Variants in ZBTB46 observed in about 807,000 individuals in gnomAD.
ZBTB46 encodes zinc finger and BTB domain containing 46, also known as zinc finger and BTB domain-containing protein 46.
ZBTB46 carries 8 observed loss-of-function variants against 44.1 expected under a neutral mutation model. That is an observed-to-expected ratio of 0.18 (90% CI 0.11 to 0.33). ZBTB46 has a LOEUF of 0.33. ZBTB46 is among the 10% of genes least tolerant of loss of function. The pLI is 1.00. For synonymous variants in ZBTB46, 409 were observed against 382.3 expected, an observed-to-expected ratio of 1.07 and a Z score of -0.81; for missense variants, 651 against 847.7, an observed-to-expected ratio of 0.77 and a Z score of 2.88.
chr20:63,831,408 C>T (rs1458608802), upstream of ZBTB46, among the ~76,000 whole-genome samples: 20 of 143,066 alleles, frequency 1.4e-4, no homozygotes, highest in Non-Finnish European at 2.8e-4. Context: ...CCGCCCCGGG[C>T]CCCGCCCACG....
At chr20:63,796,345 G>A (rs748125539) in intron 1 of ZBTB46, among the ~76,000 whole-genome samples, 2 of 152,196 alleles carry the variant, frequency 1.3e-5, no homozygotes, top group Non-Finnish European at 2.9e-5. Flanking sequence ...GGCACGCGGC[G>A]TCCCGGGCCT....
intron 1 of ZBTB46, among the ~76,000 whole-genome samples, chr20:63,825,262 G>A (rs112145230): frequency 2.0e-5 from 3 of 151,970 alleles, no homozygotes; most frequent in Admixed American, 1.3e-4. Flanking sequence ...TTAGCCGGGC[G>A]TGGTGGCGGA....
rs144100339 is a variant in ZBTB46 at position 63,803,569 on chromosome 20, C to CG, written c.-33-12780dup. 0.23 allele frequency: 224,120 copies of CG among 976,292 alleles called. 26,316 individuals carry two copies. The highest frequency in any genetic ancestry group is 0.28 in the African/African-American group (16,004 of 56,944). The allele number at this position is 976,292 out of a possible 1,614,324, so 60.5% of individuals were successfully genotyped here. A position where few individuals can be genotyped will look rare whatever the true frequency, so the allele number is the denominator to read the frequency against. ...TGCCGGCCCCGGGCTGCCCAGGCCC[C>CG]GGGCTGCCCAGGTCTCTGTCGGAGG... On this transcript the variant is annotated intron_variant, in intron 1 of 4. Coordinates refer to ENST00000245663, the MANE Select transcript of ZBTB46 (RefSeq NM_001369741.1). This position sits in a 1 kb window ranked among gnomAD's most constrained non-coding sequence, Gnocchi z 4.0.
chr20:63,795,707 G>A (rs1019381153), intron 1 of ZBTB46, among the ~76,000 whole-genome samples: 2 of 152,330 alleles, frequency 1.3e-5, no homozygotes, highest in African/African-American at 4.8e-5. Context: ...GGGATCCGGG[G>A]AGCAAGGTCA....
chr20:63,770,952 ACCGG>A, intron 3 of ZBTB46, among the ~76,000 whole-genome samples: 1 of 131,126 alleles, frequency 7.6e-6, no homozygotes, highest in Non-Finnish European at 1.7e-5. Flanking sequence ...GCAAGTCAGC[ACCGG>A]CCACGCCCGG....
intron 3 of ZBTB46, among the ~76,000 whole-genome samples, chr20:63,761,960 A>G (rs2092281617): frequency 6.6e-6 from 1 of 152,160 alleles, no homozygotes; most frequent in Admixed American, 6.5e-5. Context: ...CAATCCTTTG[A>G]TATTTGTTGA....
chr20:63,816,143 G>A (rs1180471748), intron 1 of ZBTB46, among the ~76,000 whole-genome samples: 1 of 102,166 alleles, frequency 9.8e-6, no homozygotes, highest in Non-Finnish European at 1.9e-5. Flanking sequence ...TGCAGTGGGT[G>A]CAGGTGCAGT....
intron 3 of ZBTB46, among the ~76,000 whole-genome samples, chr20:63,754,067 A>T (rs1361245376): frequency 6.6e-6 from 1 of 152,224 alleles, no homozygotes; most frequent in Non-Finnish European, 1.5e-5. Context: ...AGCATCTGCC[A>T]GGAGCGCTCA....
intron 1 of ZBTB46, among the ~76,000 whole-genome samples, chr20:63,793,213 C>T (rs760997832): frequency 2.0e-5 from 3 of 152,166 alleles, no homozygotes; most frequent in Non-Finnish European, 2.9e-5. Flanking sequence ...TGGAGGCAAA[C>T]GCGTGTGGGT....
intron 1 of ZBTB46, among the ~76,000 whole-genome samples, chr20:63,828,556 A>C (rs1017568968): frequency 6.6e-6 from 1 of 152,232 alleles, no homozygotes; most frequent in African/African-American, 2.4e-5. Flanking sequence ...CCATCACTCA[A>C]GGTCACTCAT....
intron 3 of ZBTB46, among the ~76,000 whole-genome samples, chr20:63,756,196 C>G (rs4809223): frequency 0.46 from 69,723 of 152,090 alleles, 17,193 homozygotes; most frequent in African/African-American, 0.63. Flanking sequence ...GCTTTCCGCT[C>G]CAGGAGAATC....
At chr20:63,775,333 C>G in intron 3 of ZBTB46, 1 of 228,858 alleles carries the variant, frequency 4.4e-6, no homozygotes, top group Non-Finnish European at 8.5e-6. Flanking sequence ...GCGCCCGAGC[C>G]CGTCTCTGGA....
chr20:63,806,787 T>C (rs1467737463), intron 1 of ZBTB46, among the ~76,000 whole-genome samples: 1 of 151,064 alleles, frequency 6.6e-6, no homozygotes, highest in African/African-American at 2.4e-5. Context: ...TGTTTTGTTT[T>C]GGTTTTTTTT....
chr20:63,817,920 C>T (rs902673700), intron 1 of ZBTB46, among the ~76,000 whole-genome samples: 2 of 152,242 alleles, frequency 1.3e-5, no homozygotes, highest in South Asian at 2.1e-4. Flanking sequence ...CCGTCCACCC[C>T]GATGCTGGGT....
chr20:63,806,741 TG>T (rs1487058016), intron 1 of ZBTB46, among the ~76,000 whole-genome samples: 2 of 151,932 alleles, frequency 1.3e-5, no homozygotes, highest in African/African-American at 4.8e-5. Flanking sequence ...CCCATGTAGC[TG>T]GGACTACAGG....
At chr20:63,779,695 C>T (rs923723751) in intron 2 of ZBTB46, among the ~76,000 whole-genome samples, 19 of 151,962 alleles carry the variant, frequency 1.3e-4, no homozygotes, top group African/African-American at 4.6e-4. Flanking sequence ...GCTGGGATTA[C>T]AGGCCTGTGA....
At position 63,813,305 on chromosome 20, in the gene ZBTB46, C is replaced by T. The variant is rs544457081; in HGVS notation, c.-34+17792G>A. Among the ~76,000 whole-genome samples, 32 of 150,464 alleles carry T rather than the reference C, an allele frequency of 2.1e-4. 1 individual carries two copies. Among genetic ancestry groups the T allele is most frequent in the African/African-American group, 6.9e-4 (28 of 40,762 alleles). Reference sequence around the variant, plus strand: ...CTCTACTAAAAATACAAAAATTAGCCGGGTGTGGTGGAGCGCGCCTGTAAT... The same window carrying T: ...CTCTACTAAAAATACAAAAATTAGCTGGGTGTGGTGGAGCGCGCCTGTAAT... On this transcript the variant is annotated intron_variant, in intron 1 of 4. Coordinates refer to ENST00000245663, the MANE Select transcript of ZBTB46 (RefSeq NM_001369741.1).
rs536282184 is a variant in ZBTB46, at chr20:63,790,179, C to T, written c.579G>A (p.Gly193=). 6.8e-6 allele frequency: 11 copies of T among 1,613,710 alleles called. No individual in the cohort carries two copies. The South Asian group carries it at 1.1e-4, about 16-fold the overall frequency. The change falls in exon 2 of 5, where the codon GGG becomes GGA. Residue 193 remains glycine (G), a synonymous_variant. Transcript: ENST00000245663. ...DSAIASCHDG[G]SSYGKEDQEP... ...CCTGATCCTCTTTCCCGTAGCTGCTCCCTCCGTCGTGACAGCTGGCGATGG... is the reference window on the plus strand; with the variant it reads ...CCTGATCCTCTTTCCCGTAGCTGCTTCCTCCGTCGTGACAGCTGGCGATGG...
rs747229921 is a variant in ZBTB46, at chr20:63,746,944, C to T, written c.1756G>A (p.Ala586Thr). The T allele has an allele frequency of 5.0e-5, 78 of 1,563,814 alleles. No individual in the cohort carries two copies. The highest frequency in any genetic ancestry group is 6.4e-5 in the Non-Finnish European group (74 of 1,158,730). ...SPPGGPDKDF[A>T]WLS ...GGCGGGCGGGCCTAGGAGAGCCAGG[C>T]GAAGTCCTTGTCAGGGCCTCCTGGG... Residue 586 changes from alanine (A) to threonine (T), a missense_variant, in exon 5 of 5, where the codon GCC (alanine) becomes ACC (threonine). Ala to Thr is a moderately conservative substitution (Grantham distance 58, BLOSUM62 0). This residue lies in a region of ZBTB46 where 106 missense variants were observed against 81.0 expected (regional missense o/e 1.31). Coordinates refer to ENST00000245663, the MANE Select transcript of ZBTB46 (RefSeq NM_001369741.1).
Sources: gnomAD v4.1 joint callset for allele counts (sites outside exome capture counted in the v4.1 genomes callset) on GRCh38, gnomAD v4.1.1 for gene constraint, gnomAD v4.1.1 regional missense constraint, Gnocchi (gnomAD v3.1) non-coding constraint, MANE v1.5 for transcripts, NCBI Gene and HGNC (gene_info 2026-07-23, HGNC 2026-07-21) for gene names.